PITPNM3: variants seen among roughly 807,000 people sequenced by gnomAD.
PITPNM3 encodes the protein membrane-associated phosphatidylinositol transfer protein 3.
Under a neutral mutation model 102.0 loss-of-function variants are expected in PITPNM3, and 26 were observed. The ratio of observed to expected loss-of-function variants is 0.25; its 90% confidence interval spans 0.19 to 0.35. The LOEUF (loss-of-function observed/expected upper bound fraction) is 0.35. PITPNM3 is among the 10% of genes least tolerant of loss of function. The pLI, the probability that PITPNM3 is intolerant of heterozygous loss-of-function variation, is 1.00. For missense variants in PITPNM3, 1,083 were observed against 1,346.1 expected, an observed-to-expected ratio of 0.80 and a Z score of 3.06; for synonymous variants, 578 against 558.6, an observed-to-expected ratio of 1.03 and a Z score of -0.49.
intron 1 of PITPNM3, among the ~76,000 whole-genome samples, chr17:6,544,974 A>G (rs1909942468): frequency 6.6e-6 from 1 of 152,040 alleles, no homozygotes; most frequent in Admixed American, 6.6e-5. Flanking sequence ...AGTGCTTCCT[A>G]CAGCCTGGCC....
intron 3 of PITPNM3, among the ~76,000 whole-genome samples, chr17:6,522,496 G>A (rs1908592020): frequency 6.6e-6 from 1 of 152,222 alleles, no homozygotes; most frequent in African/African-American, 2.4e-5. Context: ...AGGACATCCA[G>A]GTAGAGGTTA....
At chr17:6,466,153 G>A (rs535813158) in intron 14 of PITPNM3, among the ~76,000 whole-genome samples, 9 of 152,218 alleles carry the variant, frequency 5.9e-5, no homozygotes, top group Admixed American at 2.6e-4. Context: ...TGCTCACACC[G>A]CTGTCCCGCC....
In PITPNM3 at chr17:6,455,277, C is replaced by T. The variant is rs1914036051; in HGVS notation, c.*61G>A. The T allele has an allele frequency of 6.6e-7, 1 of 1,510,028 alleles. No homozygotes were observed. Among genetic ancestry groups the T allele is most frequent in the Non-Finnish European group, 8.8e-7 (1 of 1,130,582 alleles). 93.5% of individuals were successfully genotyped at this position (1,510,028 alleles called of 1,614,324 possible). ...TGTGTCGGGGAGAGGGCAGCCCCCT[C>T]CCGTCCCCGCAGGCAGCCTGATTGG... On this transcript the variant is annotated 3_prime_UTR_variant, in exon 20 of 20. Coordinates refer to ENST00000262483, the MANE Select transcript of PITPNM3 (RefSeq NM_031220.4).
At chr17:6,490,623 G>A (rs376106017) in intron 4 of PITPNM3, among the ~76,000 whole-genome samples, 2 of 151,938 alleles carry the variant, frequency 1.3e-5, no homozygotes, top group Admixed American at 6.6e-5. Context: ...CAAGTCCTGG[G>A]GCAAATTAAT....
chr17:6,522,152 C>T (rs776361873), intron 3 of PITPNM3, among the ~76,000 whole-genome samples: 10 of 152,050 alleles, frequency 6.6e-5, no homozygotes, highest in African/African-American at 1.2e-4. Flanking sequence ...GAAACAAGGC[C>T]GGTCTTTATG....
chr17:6,525,277 G>T, intron 3 of PITPNM3, 79 bp downstream of exon 3: 1 of 1,282,898 alleles, frequency 7.8e-7, no homozygotes, highest in Non-Finnish European at 1.1e-6. Flanking sequence ...CCAAGCCCCA[G>T]CCCCAGTCAC....
intron 6 of PITPNM3, among the ~76,000 whole-genome samples, chr17:6,482,045 T>TCC (rs1411672736): frequency 1.3e-4 from 12 of 90,206 alleles, no homozygotes; most frequent in Non-Finnish European, 2.7e-4. Context: ...TGTCTGTCTC[T>TCC]CTCTCTCTCT....
At chr17:6,455,830 T>C (rs1914091406) in intron 19 of PITPNM3, among the ~76,000 whole-genome samples, 187 bp from the exon 20 acceptor site, 2 of 123,444 alleles carry the variant, frequency 1.6e-5, no homozygotes, top group African/African-American at 6.1e-5. Context: ...AGGCCCCTTA[T>C]CCTGATCCTG....
chr17:6,474,954 A>G (rs189703161), intron 9 of PITPNM3, among the ~76,000 whole-genome samples: 94 of 152,312 alleles, frequency 6.2e-4, no homozygotes, highest in African/African-American at 2.1e-3. Flanking sequence ...CTGGGATCCA[A>G]TCAAATGTTA....
In PITPNM3 at chr17:6,468,243, C is replaced by G. The variant is rs2150721861; in HGVS notation, c.1872G>C (p.Arg624=). 1 of 1,613,456 alleles carries G rather than the reference C, an allele frequency of 6.2e-7. No individual in the cohort carries two copies. ...ANPREKWLRK[R]TQVKLRNVTA... ...CACGCACCCTCAGCTTGACCTGAGT[C>G]CGCTTACGAAGCCACTTCTCCCGGG... The change falls in exon 14 of 20, where the codon CGG becomes CGC. Residue 624 remains arginine, a synonymous_variant. Coordinates refer to ENST00000262483, the MANE Select transcript of PITPNM3 (RefSeq NM_031220.4). The surrounding 1 kb of genome is among the most constrained non-coding windows in gnomAD (Gnocchi z 5.2).
chr17:6,469,384 A>ACCCACCCCCAGCCCAGCACACTCTCT lies in PITPNM3; in HGVS notation c.1773+850_1773+875dup. On this transcript the variant is annotated intron_variant, in intron 13 of 19. Transcript: ENST00000262483. The surrounding 1 kb of genome is among the most constrained non-coding windows in gnomAD (Gnocchi z 4.0). ...TGGCCTGGGTGCCACCGGGCTGGGG[A>ACCCACCCCCAGCCCAGCACACTCTCT]CCCACCCCCAGCCCAGCACACTCTC... Among the ~76,000 whole-genome samples the ACCCACCCCCAGCCCAGCACACTCTCT allele has an allele frequency of 3.3e-5, 5 of 150,824 alleles. No individual in the cohort carries two copies. Among genetic ancestry groups the ACCCACCCCCAGCCCAGCACACTCTCT allele is most frequent in the Non-Finnish European group, 5.9e-5 (4 of 67,654 alleles).
In PITPNM3 at chr17:6,457,768, C is replaced by T; in HGVS notation, c.2491-46G>A. 1 of 1,553,194 alleles carries T rather than the reference C, an allele frequency of 6.4e-7. No homozygotes were observed. ...AGGGGGAGAGTGAGGCCAGCCCACC[C>T]CCTGGAAAGCCTTCCCAGGCCAACC... On this transcript the variant is annotated intron_variant, in intron 18 of 19. Coordinates refer to ENST00000262483, the MANE Select transcript of PITPNM3 (RefSeq NM_031220.4). The surrounding 1 kb of genome is among the most constrained non-coding windows in gnomAD (Gnocchi z 4.7).
At chr17:6,533,572 A>G (rs958198825) in intron 2 of PITPNM3, among the ~76,000 whole-genome samples, 3 of 151,846 alleles carry the variant, frequency 2.0e-5, no homozygotes, top group African/African-American at 7.3e-5. Context: ...CTCCTGCCTC[A>G]GTCTCCTGAG....
intron 4 of PITPNM3, among the ~76,000 whole-genome samples, chr17:6,490,673 G>A (rs1459764597): frequency 6.6e-6 from 1 of 151,880 alleles, no homozygotes; most frequent in Non-Finnish European, 1.5e-5. Context: ...GGAAGCAGTG[G>A]GGCCGGGCGC....
chr17:6,522,286 G>GCGCACACACACACACA (rs145090085), intron 3 of PITPNM3, among the ~76,000 whole-genome samples: 67 of 149,316 alleles, frequency 4.5e-4, no homozygotes, highest in African/African-American at 1.7e-3. Context: ...TTTAGTGTGC[G>GCGCACACACACACACA]CACACACACA....
intron 3 of PITPNM3, among the ~76,000 whole-genome samples, chr17:6,523,009 A>G (rs1432523321): frequency 6.6e-6 from 1 of 152,120 alleles, no homozygotes; most frequent in African/African-American, 2.4e-5. Context: ...AATTCACATT[A>G]TGAATTCACA....
intron 9 of PITPNM3, among the ~76,000 whole-genome samples, chr17:6,476,729 G>A (rs1233779151): frequency 6.6e-6 from 1 of 152,156 alleles, no homozygotes; most frequent in East Asian, 1.9e-4. Flanking sequence ...GAAGTAGGCT[G>A]GGCAGCATTA....
Position 6,538,007 on chromosome 17 carries a change from T to C in PITPNM3, c.98A>G (p.Asp33Gly). ...CTCACCTCTGGCATCAAAGAATTCA[T>C]CATCTGAGCTCTCCACAGAGTCACT... ...VLSDSVESSD[D>G]EFFDAREEMA... Residue 33 changes from aspartate to glycine, a missense_variant, in exon 2 of 20, where the codon GAT becomes GGT. Around this residue, in one of 5 missense-constraint regions of PITPNM3, gnomAD observed 290 missense variants for 337.8 expected, o/e 0.86. Coordinates refer to ENST00000262483, the MANE Select transcript of PITPNM3 (RefSeq NM_031220.4). 6.2e-7 allele frequency: 1 copy of C among 1,613,512 alleles called. No homozygotes were observed. The highest frequency in any genetic ancestry group is 8.5e-7 in the Non-Finnish European group (1 of 1,179,556).
At chr17:6,464,038 A>T (rs1218445093) in intron 16 of PITPNM3, 132 bp downstream of exon 16, 1 of 1,545,054 alleles carries the variant, frequency 6.5e-7, no homozygotes, top group Admixed American at 1.7e-5. Context: ...GACCTCTCCC[A>T]TCCACCTCTG....
Sources: gnomAD v4.1 joint callset for allele counts (sites outside exome capture counted in the v4.1 genomes callset) on GRCh38, gnomAD v4.1.1 for gene constraint, gnomAD v4.1.1 regional missense constraint, Gnocchi (gnomAD v3.1) non-coding constraint, MANE v1.5 for transcripts, NCBI Gene and HGNC (gene_info 2026-07-23, HGNC 2026-07-21) for gene names.